CAMK2D: variants seen among roughly 807,000 people sequenced by gnomAD.
CAMK2D encodes calcium/calmodulin dependent protein kinase II delta.
A neutral mutation model predicts 84.0 loss-of-function variants in CAMK2D; 37 were observed. The ratio of observed to expected loss-of-function variants is 0.44; its 90% CI spans 0.34 to 0.58. CAMK2D has a LOEUF of 0.58. Among genes scored for constraint, CAMK2D ranks in the 20% least tolerant of loss-of-function variants. The pLI is 0.02. For synonymous variants in CAMK2D, 202 were observed against 212.5 expected (o/e 0.95, Z 0.43); for missense variants, 448 against 652.5 (o/e 0.69, Z 3.41).
At chr4:113,548,285 C>T (rs1274201772) in intron 5 of CAMK2D, among the ~76,000 whole-genome samples, 1 of 152,182 alleles carries the variant, frequency 6.6e-6, no homozygotes, top group Non-Finnish European at 1.5e-5. Context: ...GCTACAGCAA[C>T]CCATGGTCTC....
At position 113,465,622 on chromosome 4, in the gene CAMK2D, G is replaced by GTCTTTTATTCTTACCCAACTCCAT; in HGVS notation, c.1136-19_1136-18insATGGAGTTGGGTAAGAATAAAAGA. 1 of 1,492,714 alleles carries GTCTTTTATTCTTACCCAACTCCAT rather than the reference G, an allele frequency of 6.7e-7. No homozygotes were observed. The highest frequency in any genetic ancestry group is 9.3e-7 in the Non-Finnish European group (1 of 1,072,464). 92.5% of individuals were successfully genotyped at this position (1,492,714 alleles called of 1,614,324 possible). A position where few individuals can be genotyped will look rare whatever the true frequency, so the allele number is the denominator to read the frequency against. ...CTTTCGTGCTAAAGGCAAAAATATGGAGTTGGGTAAGAATAAAAGACAAAA... is the reference window on the plus strand; with the variant it reads ...CTTTCGTGCTAAAGGCAAAAATATGGTCTTTTATTCTTACCCAACTCCATAGTTGGGTAAGAATAAAAGACAAAA... On this transcript the variant is annotated intron_variant, in intron 16 of 20. Coordinates refer to ENST00000511664, the MANE Select transcript of CAMK2D (RefSeq NM_001321571.2).
chr4:113,496,788 C>G (rs75197289), intron 16 of CAMK2D, among the ~76,000 whole-genome samples: 7 of 147,792 alleles, frequency 4.7e-5, no homozygotes, highest in African/African-American at 1.8e-4. Flanking sequence ...CTCCATGACA[C>G]TGAGTTTGCT....
chr4:113,582,104 G>A (rs138507971), intron 4 of CAMK2D, among the ~76,000 whole-genome samples: 175 of 152,186 alleles, frequency 1.1e-3, no homozygotes, highest in African/African-American at 3.7e-3. Context: ...GACTCTGGCC[G>A]CAAATCTCCA....
chr4:113,477,694 C>T (rs182550049), intron 16 of CAMK2D, among the ~76,000 whole-genome samples: 21 of 142,388 alleles, frequency 1.5e-4, no homozygotes, highest in Admixed American at 7.5e-4. Flanking sequence ...TGAAGTGAGC[C>T]GAGATTGTGC....
At position 113,698,501 on chromosome 4, in the gene CAMK2D, A is replaced by T. The variant is rs185230824; in HGVS notation, c.161-36729T>A. Among the ~76,000 whole-genome samples, 251 of 152,236 alleles carry T rather than the reference A, an allele frequency of 1.6e-3. 1 individual carries two copies. The highest frequency in any genetic ancestry group is 5.7e-3 in the African/African-American group (238 of 41,556). ...ACAGCAGTGTCTGGTCCATTGTAAG[A>T]ACTCAATAAAATGTTAGCTATCCTC... On this transcript the variant is annotated intron_variant, in intron 2 of 20. Coordinates refer to ENST00000511664, the MANE Select transcript of CAMK2D (RefSeq NM_001321571.2).
At chr4:113,620,786 G>A (rs972420320) in intron 3 of CAMK2D, among the ~76,000 whole-genome samples, 3 of 152,064 alleles carry the variant, frequency 2.0e-5, no homozygotes, top group South Asian at 2.1e-4. Flanking sequence ...GATTACAGGC[G>A]TAAGCCACCA....
chr4:113,500,294 G>A (rs1337447605), intron 16 of CAMK2D, among the ~76,000 whole-genome samples, 169 bp downstream of exon 16: 1 of 152,008 alleles, frequency 6.6e-6, no homozygotes, highest in Non-Finnish European at 1.5e-5. Flanking sequence ...GTAACATATT[G>A]TTGAAATAAT....
intron 3 of CAMK2D, among the ~76,000 whole-genome samples, chr4:113,622,537 GA>G (rs11302222): frequency 0.047 from 7,159 of 152,282 alleles, 489 homozygotes; most frequent in African/African-American, 0.14. Flanking sequence ...GGCTAAGGCA[GA>G]AGTATCGCTT....
At chr4:113,585,372 C>T (rs1035035705) in intron 4 of CAMK2D, among the ~76,000 whole-genome samples, 3 of 152,106 alleles carry the variant, frequency 2.0e-5, no homozygotes, top group Admixed American at 6.6e-5. Flanking sequence ...CTTCCCCAGC[C>T]TCATGTGTGT....
intron 3 of CAMK2D, among the ~76,000 whole-genome samples, chr4:113,624,850 A>G (rs1378441477): frequency 6.6e-6 from 1 of 152,238 alleles, no homozygotes; most frequent in African/African-American, 2.4e-5. Flanking sequence ...ATGGTAACCT[A>G]TAATCAACAA....
chr4:113,672,210 A>C (rs2099290634), intron 2 of CAMK2D, among the ~76,000 whole-genome samples: 4 of 152,204 alleles, frequency 2.6e-5, no homozygotes. Flanking sequence ...TACATATCTT[A>C]TATTACATTA....
chr4:113,590,678 C>G (rs897103110), intron 4 of CAMK2D, among the ~76,000 whole-genome samples: 2 of 152,024 alleles, frequency 1.3e-5, no homozygotes, highest in African/African-American at 4.8e-5. Flanking sequence ...ATTTGTAATT[C>G]AAAACTTATA....
chr4:113,535,193 G>A lies in CAMK2D; in HGVS notation c.517+2148C>T, dbSNP rs927869122. On this transcript the variant is annotated intron_variant, in intron 7 of 20. Transcript: ENST00000511664. ...TTTTGTATCCTGCCTCATACCCCAA[G>A]TCTCTCATGAAGTGGGGTCCTGCTT... is the stretch of plus-strand genomic sequence containing the variant. Among the ~76,000 whole-genome samples the A allele has an allele frequency of 2.0e-5, 3 of 151,912 alleles. No homozygotes were observed. The East Asian group carries it at 5.8e-4, about 29-fold the overall frequency.
intron 14 of CAMK2D, among the ~76,000 whole-genome samples, chr4:113,504,304 G>A (rs146978179): frequency 3.9e-5 from 6 of 152,286 alleles, no homozygotes; most frequent in Admixed American, 1.3e-4. Context: ...TAATTTAGTC[G>A]TTAATTGTGT....
chr4:113,746,822 TA>T (rs1362187345), intron 2 of CAMK2D, among the ~76,000 whole-genome samples: 1 of 151,796 alleles, frequency 6.6e-6, no homozygotes, highest in Non-Finnish European at 1.5e-5. Flanking sequence ...ACTCTGATAC[TA>T]AAATTCTACT....
chr4:113,487,402 C>T (rs1382798959), intron 16 of CAMK2D, among the ~76,000 whole-genome samples: 1 of 151,870 alleles, frequency 6.6e-6, no homozygotes, highest in Non-Finnish European at 1.5e-5. Context: ...TAAAATAATA[C>T]AAACTCAGCA....
rs1227338809 is a variant in CAMK2D at position 113,547,659 on chromosome 4, G to A, written c.399C>T (p.Val133=). 1 of 1,567,056 alleles carries A rather than the reference G, an allele frequency of 6.4e-7. No individual in the cohort carries two copies. Among genetic ancestry groups the A allele is most frequent in the Admixed American group, 1.8e-5 (1 of 56,014 alleles). The change falls in exon 6 of 21, where the codon GTC becomes GTT. Residue 133 remains valine, a synonymous_variant. Coordinates refer to ENST00000511664, the MANE Select transcript of CAMK2D (RefSeq NM_001321571.2). ...CATTACTCACCTTCAGGTCCCGATGGACCACGCCCATCTGATGGCAGTGTA... is the reference window on the plus strand; with the variant it reads ...CATTACTCACCTTCAGGTCCCGATGAACCACGCCCATCTGATGGCAGTGTA... The part of the protein sequence containing the change: ...AVLHCHQMGV[V]HRDLKPENLL...
At chr4:113,573,847 C>T (rs1026526398) in intron 4 of CAMK2D, among the ~76,000 whole-genome samples, 2 of 152,154 alleles carry the variant, frequency 1.3e-5, no homozygotes, top group African/African-American at 4.8e-5. Flanking sequence ...CTGACTCCCC[C>T]ACCTTTTGCC....
At chr4:113,661,964 CTT>C (rs2099234903) in intron 2 of CAMK2D, among the ~76,000 whole-genome samples, 192 bp from the exon 3 acceptor site, 1 of 152,134 alleles carries the variant, frequency 6.6e-6, no homozygotes, top group South Asian at 2.1e-4. Flanking sequence ...TTTTCACTGA[CTT>C]GATGCTTGAC....
Sources: gnomAD v4.1 joint callset for allele counts (sites outside exome capture counted in the v4.1 genomes callset) on GRCh38, gnomAD v4.1.1 for gene constraint, MANE v1.5 for transcripts, NCBI Gene and HGNC (gene_info 2026-07-23, HGNC 2026-07-21) for gene names.